ATAD3B: variants seen among roughly 807,000 people sequenced by gnomAD.
ATAD3B encodes the protein ATPase family AAA domain containing 3B.
A neutral mutation model predicts 70.2 loss-of-function variants in ATAD3B; 59 were observed. That is an observed-to-expected ratio of 0.84 (90% CI 0.68 to 1.04). ATAD3B has a LOEUF of 1.04. Among genes scored for constraint, ATAD3B ranks in the 50% least tolerant of loss-of-function variants. The pLI, the probability that ATAD3B is intolerant of heterozygous loss-of-function variation, is 0.00. For missense variants in ATAD3B, 961 were observed against 913.4 expected, an observed-to-expected ratio of 1.05 and a Z score of -0.67; for synonymous variants, 423 against 388.6, an observed-to-expected ratio of 1.09 and a Z score of -1.04.
the ATAD3B span, chr1:1,503,654 A>T: frequency 6.2e-7 from 1 of 1,611,824 alleles, no homozygotes; most frequent in Non-Finnish European, 8.5e-7. Context: ...CAACAGTCCA[A>T]GCTCAAAGTG....
Position 1,482,471 on chromosome 1 carries a change from C to T in ATAD3B, c.681-74C>T, listed in dbSNP as rs1373609133. The T allele has an allele frequency of 1.9e-6, 3 of 1,610,476 alleles. No individual in the cohort carries two copies. The African/African-American group carries it at 4.0e-5, about 22-fold the overall frequency. On this transcript the variant is annotated intron_variant, in intron 6 of 15. Transcript: ENST00000673477. Reference sequence around the variant, plus strand: ...AGGCCGTGCCGCCATGTCAGGGCCTCACCCTCAACCTGCTCTCGCTGCGTG... The same window carrying T: ...AGGCCGTGCCGCCATGTCAGGGCCTTACCCTCAACCTGCTCTCGCTGCGTG...
rs1040781138 is a variant in ATAD3B at position 1,477,317 on chromosome 1, G to T, written c.249G>T (p.Gln83His). Residue 83 changes from glutamine (Q) to histidine (H), a missense_variant, in exon 2 of 16, where the codon CAG (glutamine) becomes CAT (histidine). Transcript: ENST00000673477. ...TGAATCTGGCGCAGATGCAGGAGCA[G>T]ACGCTGCAGTTGGAGCAACAGTCCA... ...EALNLAQMQE[Q>H]TLQLEQQSKL... 4.3e-6 allele frequency: 7 copies of T among 1,612,350 alleles called. No individual in the cohort carries two copies. Among genetic ancestry groups the T allele is most frequent in the Non-Finnish European group, 5.9e-6 (7 of 1,179,724 alleles).
intron 8 of ATAD3B, among the ~76,000 whole-genome samples, chr1:1,485,528 T>C (rs182335491): frequency 8.4e-4 from 128 of 151,782 alleles, no homozygotes; most frequent in African/African-American, 1.3e-3. Context: ...TGCCAGCCCC[T>C]GAGGTGCCTG....
At chr1:1,498,725 C>T (rs1268257663), downstream of ATAD3B, among the ~76,000 whole-genome samples, 9 of 150,642 alleles carry the variant, frequency 6.0e-5, 1 homozygote, top group Middle Eastern at 3.4e-3. Context: ...TTTTTTCAGA[C>T]GGAGTCTCAC....
rs1273310732 is a variant in ATAD3B, at chr1:1,485,519, G to A, written c.907-263G>A. 4.6e-5 allele frequency among the ~76,000 whole-genome samples: 7 copies of A among 152,242 alleles called. 1 individual carries two copies. In the East Asian group the frequency reaches 1.4e-3, roughly 29 times the overall value. ...GCCTCCCTGGGGAGCCGCGCCGCTT[G>A]CCAGCCCCTGAGGTGCCTGCTCTCC... is the stretch of plus-strand genomic sequence containing the variant. On this transcript the variant is annotated intron_variant, in intron 8 of 15. Transcript: ENST00000673477.
At chr1:1,492,193 G>C (rs76736767) in intron 15 of ATAD3B, among the ~76,000 whole-genome samples, 1 of 151,676 alleles carries the variant, frequency 6.6e-6, no homozygotes, top group Non-Finnish European at 1.5e-5. Context: ...CTTAAAAACT[G>C]AGAATAATTT....
At chr1:1,507,309 G>C in the ATAD3B span, among the ~76,000 whole-genome samples, 2 of 152,278 alleles carry the variant, frequency 1.3e-5, no homozygotes, top group East Asian at 3.9e-4. Flanking sequence ...CTGTGGGCTT[G>C]TGATATATGG....
chr1:1,501,358 C>T (rs1021276865), downstream of ATAD3B, among the ~76,000 whole-genome samples: 4 of 151,962 alleles, frequency 2.6e-5, no homozygotes, highest in African/African-American at 9.7e-5. Flanking sequence ...GGGTTCACGC[C>T]ATTCTCCTGC....
At chr1:1,472,210 C>G in intron 1 of ATAD3B, 121 bp downstream of exon 1, 3 of 1,400,086 alleles carry the variant, frequency 2.1e-6, no homozygotes, top group East Asian at 8.4e-5. Flanking sequence ...AGACTGCGCC[C>G]CCGGAGCACC....
rs572245815 is a variant in ATAD3B at position 1,472,487 on chromosome 1, C to T, written c.205+398C>T. Among the ~76,000 whole-genome samples, 6 of 152,058 alleles carry T rather than the reference C, an allele frequency of 3.9e-5. No homozygotes were observed. In the East Asian group the frequency reaches 7.7e-4, roughly 20 times the overall value. On this transcript the variant is annotated intron_variant, in intron 1 of 15. Coordinates refer to ENST00000673477, the MANE Select transcript of ATAD3B (RefSeq NM_031921.6). The stretch of plus-strand genomic sequence containing the variant: ...TTTGTTGGGTGGTTGCTAGCAGTTT[C>T]CACGTAACAAGGGAAGCGTATTTGA...
chr1:1,509,405 T>C, the ATAD3B span: 1 of 1,573,494 alleles, frequency 6.4e-7, no homozygotes, highest in African/African-American at 1.4e-5. Flanking sequence ...CTCCCACCCC[T>C]GCCTTTGCGG....
chr1:1,485,849 G>T lies in ATAD3B; in HGVS notation c.963+11G>T, dbSNP rs368662419. 6.2e-7 allele frequency: 1 copy of T among 1,613,028 alleles called. No individual in the cohort carries two copies. The highest frequency in any genetic ancestry group is 1.7e-5 in the Admixed American group (1 of 59,962). On this transcript the variant is annotated intron_variant, in intron 9 of 15. Coordinates refer to ENST00000673477, the MANE Select transcript of ATAD3B (RefSeq NM_031921.6). Reference sequence around the variant, plus strand: ...GGTGTTGTGCTTAGTGTAAGTCGGTGTGCCTGGGACCGGGGAGGTGCAGGG... The same window carrying T: ...GGTGTTGTGCTTAGTGTAAGTCGGTTTGCCTGGGACCGGGGAGGTGCAGGG...
At chr1:1,485,403 G>T (rs1640150975) in intron 8 of ATAD3B, among the ~76,000 whole-genome samples, 1 of 152,046 alleles carries the variant, frequency 6.6e-6, no homozygotes, top group South Asian at 2.1e-4. Context: ...TCTTGATGGG[G>T]CCTGGGAGCA....
Position 1,489,198 on chromosome 1 carries a change from C to T in ATAD3B, c.1267-6C>T, listed in dbSNP as rs368942875. The T allele has an allele frequency of 3.7e-6, 6 of 1,613,406 alleles. No individual in the cohort carries two copies. The highest frequency in any genetic ancestry group is 5.1e-6 in the Non-Finnish European group (6 of 1,179,586). On this transcript the variant is annotated splice_polypyrimidine_tract_variant and splice_region_variant and intron_variant, in intron 12 of 15. Coordinates refer to ENST00000673477, the MANE Select transcript of ATAD3B (RefSeq NM_031921.6). ...GGTGCCTAAGGCTGGAACCTTCTCT[C>T]TGCAGGAGGAGATAAGCAAGGACCT...
chr1:1,508,942 G>T, the ATAD3B span, among the ~76,000 whole-genome samples: 4 of 151,774 alleles, frequency 2.6e-5, no homozygotes, highest in African/African-American at 9.8e-5. Context: ...CCGTCAGTGA[G>T]GCTCCGCCTT....
chr1:1,501,149 C>T (rs550805172), downstream of ATAD3B, among the ~76,000 whole-genome samples: 25 of 152,156 alleles, frequency 1.6e-4, no homozygotes, highest in South Asian at 4.4e-3. Flanking sequence ...AGTGCAATGG[C>T]GTGATCTCGG....
chr1:1,502,763 CG>C (rs1389401104), downstream of ATAD3B, among the ~76,000 whole-genome samples: 8 of 151,514 alleles, frequency 5.3e-5, no homozygotes, highest in East Asian at 1.6e-3. Context: ...CCACCCGCCT[CG>C]GCCTCCCAAA....
At chr1:1,498,204 G>A (rs1438225402), downstream of ATAD3B, among the ~76,000 whole-genome samples, 1 of 151,980 alleles carries the variant, frequency 6.6e-6, no homozygotes. Context: ...TCGGGAGGCC[G>A]AGGCAGGAAA....
chr1:1,496,186 G>A lies in ATAD3B; in HGVS notation c.*369G>A. On this transcript the variant is annotated 3_prime_UTR_variant, in exon 16 of 16. Coordinates refer to ENST00000673477, the MANE Select transcript of ATAD3B (RefSeq NM_031921.6). ...AGCTGGTGTGTGTTTATCTAATAAAGTCCCACAGGTGCCTCACCGCCGTGT... is the reference window on the plus strand; with the variant it reads ...AGCTGGTGTGTGTTTATCTAATAAAATCCCACAGGTGCCTCACCGCCGTGT... 4.9e-6 allele frequency: 5 copies of A among 1,028,616 alleles called. No individual in the cohort carries two copies. Among genetic ancestry groups the A allele is most frequent in the Non-Finnish European group, 5.8e-6 (5 of 857,874 alleles). 63.7% of individuals were successfully genotyped at this position (1,028,616 alleles called of 1,614,324 possible). A position where few individuals can be genotyped will look rare whatever the true frequency, so the allele number is the denominator to read the frequency against.
Sources: gnomAD v4.1 joint callset for allele counts (sites outside exome capture counted in the v4.1 genomes callset) on GRCh38, gnomAD v4.1.1 for gene constraint, MANE v1.5 for transcripts, NCBI Gene and HGNC (gene_info 2026-07-23, HGNC 2026-07-21) for gene names.